ADGRV1: variants seen among roughly 807,000 people sequenced by gnomAD.
ADGRV1 encodes the protein adhesion G protein-coupled receptor V1.
Under a neutral mutation model 596.2 loss-of-function variants are expected in ADGRV1, and 359 were observed. The observed-to-expected ratio is 0.60, with a 90% CI of 0.55 to 0.66. ADGRV1 has a LOEUF of 0.66. ADGRV1 is among the 30% of genes least tolerant of loss of function. ADGRV1 has a pLI of 0.00. For missense variants in ADGRV1, 7,274 were observed against 7,575.6 expected, an observed-to-expected ratio of 0.96 and a Z score of 1.48; for synonymous variants, 2,681 against 2,679.2, an observed-to-expected ratio of 1.00 and a Z score of -0.02.
rs1027227573 is a variant in ADGRV1 at position 90,828,428 on chromosome 5, G to A, written c.16369-516G>A. On this transcript the variant is annotated intron_variant, in intron 76 of 89. Transcript: ENST00000405460. Reference sequence around the variant, plus strand: ...CTCCACCCAAGGCAACTGCTGTCAGGGTGTGGTAGTTAAAAAAGAAAACTT... The same window carrying A: ...CTCCACCCAAGGCAACTGCTGTCAGAGTGTGGTAGTTAAAAAAGAAAACTT... Among the ~76,000 whole-genome samples the A allele has an allele frequency of 5.3e-5, 8 of 151,874 alleles. No individual in the cohort carries two copies. In the East Asian group the frequency reaches 1.5e-3, roughly 29 times the overall value.
intron 42 of ADGRV1, among the ~76,000 whole-genome samples, 155 bp from the exon 43 acceptor site, chr5:90,716,312 A>T (rs1024158023): frequency 6.6e-6 from 1 of 152,114 alleles, no homozygotes; most frequent in African/African-American, 2.4e-5. Flanking sequence ...TATTTTATTA[A>T]ATGCTTTAAA....
intron 83 of ADGRV1, among the ~76,000 whole-genome samples, chr5:90,864,127 C>T (rs867156541): frequency 6.6e-6 from 1 of 151,358 alleles, no homozygotes; most frequent in South Asian, 2.1e-4. Context: ...CTAATATATG[C>T]TGAATGTATT....
At chr5:90,762,056 A>G (rs1373723708) in intron 58 of ADGRV1, among the ~76,000 whole-genome samples, 1 of 152,228 alleles carries the variant, frequency 6.6e-6, no homozygotes, top group Non-Finnish European at 1.5e-5. Flanking sequence ...ATCAAAATTA[A>G]CAAGCTGTTC....
intron 84 of ADGRV1, among the ~76,000 whole-genome samples, chr5:90,981,032 G>C (rs1246951394): frequency 1.3e-5 from 2 of 152,150 alleles, no homozygotes; most frequent in African/African-American, 4.8e-5. Context: ...AGTTTATTTT[G>C]CCAAGGTTTA....
intron 85 of ADGRV1, among the ~76,000 whole-genome samples, chr5:91,066,893 G>A (rs1005737031): frequency 6.6e-6 from 1 of 152,208 alleles, no homozygotes; most frequent in Non-Finnish European, 1.5e-5. Flanking sequence ...AGCTGCCAAC[G>A]AGAACAGGCA....
intron 75 of ADGRV1, among the ~76,000 whole-genome samples, chr5:90,821,270 C>G (rs1228161633): frequency 0.019 from 2,825 of 150,924 alleles, 61 homozygotes; most frequent in African/African-American, 0.066. Flanking sequence ...GCTCCATCAG[C>G]TCCTTTAAGC....
intron 29 of ADGRV1, among the ~76,000 whole-genome samples, chr5:90,688,300 T>A (rs1745971770): frequency 6.6e-6 from 1 of 152,188 alleles, no homozygotes; most frequent in African/African-American, 2.4e-5. Context: ...GGGGAAAGGA[T>A]TCCCTATTTA....
chr5:90,688,085 C>T (rs1745927287), intron 29 of ADGRV1, among the ~76,000 whole-genome samples: 1 of 152,030 alleles, frequency 6.6e-6, no homozygotes, highest in Non-Finnish European at 1.5e-5. Flanking sequence ...CCCGCATCGC[C>T]GAGTCAATCC....
chr5:90,670,532 G>A (rs1482023051), intron 21 of ADGRV1, among the ~76,000 whole-genome samples: 1 of 152,050 alleles, frequency 6.6e-6, no homozygotes, highest in Non-Finnish European at 1.5e-5. Flanking sequence ...AGTATGAGGG[G>A]GTGTTTCCCA....
intron 1 of ADGRV1, among the ~76,000 whole-genome samples, chr5:90,598,679 T>C (rs562491175): frequency 1.3e-4 from 20 of 152,192 alleles, no homozygotes; most frequent in Non-Finnish European, 2.9e-5. Flanking sequence ...AGGAATGCAT[T>C]AGCCACTGGA....
chr5:90,872,450 TG>T (rs1768787374), intron 83 of ADGRV1, among the ~76,000 whole-genome samples: 2 of 151,010 alleles, frequency 1.3e-5, no homozygotes, highest in African/African-American at 4.9e-5. Context: ...TGTGTGTGTG[TG>T]TGTGTGTGTG....
chr5:91,097,444 G>A (rs1790971615), intron 86 of ADGRV1, among the ~76,000 whole-genome samples: 1 of 152,194 alleles, frequency 6.6e-6, no homozygotes, highest in Non-Finnish European at 1.5e-5. Flanking sequence ...CACATTATAT[G>A]CAAATAGTAT....
chr5:91,146,807 G>A (rs2126874399), intron 87 of ADGRV1, among the ~76,000 whole-genome samples: 1 of 152,274 alleles, frequency 6.6e-6, no homozygotes, highest in Non-Finnish European at 1.5e-5. Context: ...ATATACTTCT[G>A]CAATTCTGTT....
intron 85 of ADGRV1, among the ~76,000 whole-genome samples, chr5:91,029,531 T>C (rs888167383): frequency 6.6e-6 from 1 of 152,186 alleles, no homozygotes; most frequent in African/African-American, 2.4e-5. Flanking sequence ...ATCTTAAATA[T>C]TAGTAGACAT....
At chr5:90,816,851 G>A (rs1041076572) in intron 75 of ADGRV1, among the ~76,000 whole-genome samples, 6 of 151,940 alleles carry the variant, frequency 3.9e-5, no homozygotes, top group African/African-American at 7.3e-5. Flanking sequence ...TTGCTATTGT[G>A]AATAGTGCCG....
intron 15 of ADGRV1, among the ~76,000 whole-genome samples, chr5:90,645,719 A>G (rs1767654182): frequency 6.6e-6 from 1 of 152,214 alleles, no homozygotes; most frequent in African/African-American, 2.4e-5. Flanking sequence ...AAGGCAAAAT[A>G]TCTATATTTC....
intron 1 of ADGRV1, among the ~76,000 whole-genome samples, chr5:90,585,982 A>G (rs1039753736): frequency 1.3e-5 from 2 of 152,226 alleles, no homozygotes; most frequent in Non-Finnish European, 2.9e-5. Flanking sequence ...CAAAAAGAAA[A>G]GATGGACAAT....
chr5:90,973,332 A>G (rs905645295), intron 84 of ADGRV1, among the ~76,000 whole-genome samples: 3 of 152,216 alleles, frequency 2.0e-5, no homozygotes, highest in Admixed American at 6.5e-5. Context: ...AAAAGAGGGA[A>G]TCCTCCCTAA....
intron 71 of ADGRV1, among the ~76,000 whole-genome samples, chr5:90,803,828 T>TA (rs141421600): frequency 0.068 from 10,048 of 148,324 alleles, 637 homozygotes; most frequent in African/African-American, 0.17. Context: ...TGTGTTGTTA[T>TA]AAAAAAAAAA....
Sources: allele counts gnomAD v4.1 joint callset (sites outside exome capture counted in the v4.1 genomes callset), GRCh38; gene constraint gnomAD v4.1.1; transcripts MANE v1.5; gene names NCBI Gene and HGNC (gene_info 2026-07-23, HGNC 2026-07-21).